DLG2: variants seen among roughly 807,000 people sequenced by gnomAD.
DLG2 encodes disks large homolog 2.
Under a neutral mutation model 132.5 loss-of-function variants are expected in DLG2, and 45 were observed. The ratio of observed to expected loss-of-function variants is 0.34; its 90% confidence interval spans 0.27 to 0.44. The LOEUF (loss-of-function observed/expected upper bound fraction) is 0.44, where lower values mean the gene tolerates loss of function less well. DLG2 is among the 20% of genes least tolerant of loss of function. The pLI is 1.00. For missense variants in DLG2, 1,045 were observed against 1,196.9 expected (o/e 0.87, Z 1.87); for synonymous variants, 424 against 419.6 (o/e 1.01, Z -0.13).
chr11:84,849,800 C>A (rs1468629340), intron 6 of DLG2, among the ~76,000 whole-genome samples: 1 of 152,064 alleles, frequency 6.6e-6, no homozygotes, highest in Non-Finnish European at 1.5e-5. Context: ...AAAGCTTGAA[C>A]ATCAAAAGAC....
At chr11:84,152,091 G>A (rs1376505697) in intron 9 of DLG2, among the ~76,000 whole-genome samples, 2 of 152,126 alleles carry the variant, frequency 1.3e-5, no homozygotes, top group African/African-American at 4.8e-5. Context: ...TTAAGTTCAT[G>A]ATTCCTTTCT....
chr11:84,430,320 T>C (rs552812990), intron 7 of DLG2, among the ~76,000 whole-genome samples: 1 of 151,662 alleles, frequency 6.6e-6, no homozygotes, highest in East Asian at 2.0e-4. Flanking sequence ...GTGCCTGTAA[T>C]CCCAGCTACT....
At chr11:84,660,949 C>T (rs1256204194) in intron 6 of DLG2, among the ~76,000 whole-genome samples, 1 of 152,144 alleles carries the variant, frequency 6.6e-6, no homozygotes, top group Admixed American at 6.6e-5. Flanking sequence ...TCAAGTTGTA[C>T]ATTTTTATAA....
chr11:84,899,423 A>G lies in DLG2; in HGVS notation c.357+212238T>C, dbSNP rs947818713. Among the ~76,000 whole-genome samples the G allele has an allele frequency of 2.6e-5, 4 of 152,162 alleles. No homozygotes were observed. In the East Asian group the frequency reaches 7.7e-4, roughly 29 times the overall value. On this transcript the variant is annotated intron_variant, in intron 6 of 27. Transcript: ENST00000376104. ...GACTAAATTAAAAGACAAAGAACTA[A>G]AAATGTTGGTAATCTCACTTGCATC...
chr11:83,595,687 T>G (rs2057452652), intron 19 of DLG2, among the ~76,000 whole-genome samples: 2 of 152,224 alleles, frequency 1.3e-5, no homozygotes, highest in South Asian at 4.1e-4. Context: ...CAGTCTTTGA[T>G]TCTCCAGCCT....
intron 7 of DLG2, among the ~76,000 whole-genome samples, chr11:84,353,454 G>C (rs557435052): frequency 6.6e-6 from 1 of 151,970 alleles, no homozygotes; most frequent in African/African-American, 2.4e-5. Context: ...CTCCACACAT[G>C]CATCAGTCAC....
At chr11:84,231,548 T>A (rs1278044333) in intron 8 of DLG2, among the ~76,000 whole-genome samples, 3 of 152,080 alleles carry the variant, frequency 2.0e-5, no homozygotes, top group Non-Finnish European at 4.4e-5. Flanking sequence ...GGCTATTGTG[T>A]TCATGGAAAT....
At chr11:85,341,982 C>G (rs1324502636) in intron 3 of DLG2, among the ~76,000 whole-genome samples, 3 of 151,942 alleles carry the variant, frequency 2.0e-5, no homozygotes, top group Non-Finnish European at 4.4e-5. Flanking sequence ...TGTATAAGGC[C>G]CTTACCAGGA....
chr11:85,612,405 A>G (rs959129952), intron 2 of DLG2, among the ~76,000 whole-genome samples: 6 of 152,220 alleles, frequency 3.9e-5, no homozygotes, highest in Non-Finnish European at 8.8e-5. Context: ...CAAAGACACA[A>G]TGGATATTCA....
At chr11:84,074,263 T>G (rs1014990837) in intron 10 of DLG2, among the ~76,000 whole-genome samples, 1 of 152,176 alleles carries the variant, frequency 6.6e-6, no homozygotes, top group African/African-American at 2.4e-5. Flanking sequence ...TACATTCAGT[T>G]TTTTTGTTAT....
intron 4 of DLG2, among the ~76,000 whole-genome samples, chr11:85,205,902 T>C (rs940950960): frequency 4.6e-5 from 7 of 152,180 alleles, no homozygotes; most frequent in Admixed American, 2.0e-4. Context: ...ACAGAATACT[T>C]GCATTCCTTT....
chr11:83,864,107 C>T (rs2061893303), intron 16 of DLG2, among the ~76,000 whole-genome samples: 1 of 152,156 alleles, frequency 6.6e-6, no homozygotes, highest in South Asian at 2.1e-4. Context: ...CTCTTGATAT[C>T]AGCCCATGTA....
rs190238721 is a variant in DLG2, at chr11:83,618,677, C to T, written c.1940+14534G>A. Among the ~76,000 whole-genome samples, 7 of 152,300 alleles carry T rather than the reference C, an allele frequency of 4.6e-5. No homozygotes were observed. The East Asian group carries it at 1.4e-3, about 29-fold the overall frequency. ...TTGGCCTACTCTACTCTGCTGTGAACTCATAAATGCATGGCTGATTGAGTT... is the reference window on the plus strand; with the variant it reads ...TTGGCCTACTCTACTCTGCTGTGAATTCATAAATGCATGGCTGATTGAGTT... On this transcript the variant is annotated intron_variant, in intron 19 of 27. Transcript: ENST00000376104.
chr11:83,918,137 C>T (rs1053225877), intron 15 of DLG2, among the ~76,000 whole-genome samples: 2 of 152,060 alleles, frequency 1.3e-5, no homozygotes, highest in Non-Finnish European at 2.9e-5. Context: ...AGAGAGAGGG[C>T]TCCATGGCAT....
At chr11:83,839,538 C>T (rs2057077715) in intron 16 of DLG2, among the ~76,000 whole-genome samples, 1 of 152,170 alleles carries the variant, frequency 6.6e-6, no homozygotes, top group Non-Finnish European at 1.5e-5. Flanking sequence ...TCTACATTCA[C>T]ATAGCCAGAA....
chr11:85,038,828 GT>G (rs1050924526), intron 6 of DLG2, among the ~76,000 whole-genome samples: 61 of 152,024 alleles, frequency 4.0e-4, no homozygotes, highest in African/African-American at 1.4e-3. Flanking sequence ...ACCACATATG[GT>G]TAGAAGACAA....
At chr11:84,042,508 T>A (rs1054349942) in intron 11 of DLG2, among the ~76,000 whole-genome samples, 3 of 151,952 alleles carry the variant, frequency 2.0e-5, no homozygotes, top group Non-Finnish European at 4.4e-5. Context: ...AATTTTTTGA[T>A]GTTGCTCTTC....
At chr11:84,397,888 G>A (rs1482321363) in intron 7 of DLG2, among the ~76,000 whole-genome samples, 3 of 152,164 alleles carry the variant, frequency 2.0e-5, no homozygotes, top group Non-Finnish European at 4.4e-5. Flanking sequence ...TCTAGTTTAG[G>A]AGAAAAGGCT....
At chr11:83,666,013 C>A (rs921327199) in intron 18 of DLG2, among the ~76,000 whole-genome samples, 4 of 152,118 alleles carry the variant, frequency 2.6e-5, no homozygotes, top group Admixed American at 2.0e-4. Flanking sequence ...TTTTTACAAA[C>A]ATGAATGTCA....
Sources: gnomAD v4.1 joint callset for allele counts (sites outside exome capture counted in the v4.1 genomes callset) on GRCh38, gnomAD v4.1.1 for gene constraint, MANE v1.5 for transcripts, NCBI Gene and HGNC (gene_info 2026-07-23, HGNC 2026-07-21) for gene names.